Variants in CSNK1G2 observed in about 807,000 individuals in gnomAD.
CSNK1G2 encodes the protein casein kinase I isoform gamma-2.
CSNK1G2 carries 11 observed loss-of-function variants against 48.0 expected under a neutral mutation model. That is an observed-to-expected ratio of 0.23 (90% CI 0.14 to 0.38). The LOEUF (loss-of-function observed/expected upper bound fraction) is 0.38, where lower values mean the gene tolerates loss of function less well. CSNK1G2 is among the 10% of genes least tolerant of loss of function. The pLI is 1.00. For synonymous variants in CSNK1G2, 337 were observed against 254.1 expected (o/e 1.33, Z -3.10); for missense variants, 446 against 595.5 (o/e 0.75, Z 2.61).
At chr19:1,958,098 C>T (rs2015060461) in intron 1 of CSNK1G2, among the ~76,000 whole-genome samples, 1 of 152,110 alleles carries the variant, frequency 6.6e-6, no homozygotes, top group Non-Finnish European at 1.5e-5. Context: ...TAAGGGGCCC[C>T]TCCCGAGCAG....
intron 1 of CSNK1G2, among the ~76,000 whole-genome samples, chr19:1,955,195 G>A (rs1037052447): frequency 2.0e-4 from 31 of 152,136 alleles, no homozygotes; most frequent in Admixed American, 2.0e-3. Context: ...CTGAGTCTTG[G>A]AGTGGCGGCT....
At chr19:1,946,101 T>A (rs2014545672) in intron 1 of CSNK1G2, among the ~76,000 whole-genome samples, 1 of 151,960 alleles carries the variant, frequency 6.6e-6, no homozygotes, top group African/African-American at 2.4e-5. Flanking sequence ...TCCCGTGGCC[T>A]ATCCCGGGGA....
intron 1 of CSNK1G2, among the ~76,000 whole-genome samples, chr19:1,949,759 C>T (rs1026347404): frequency 1.3e-5 from 2 of 152,202 alleles, no homozygotes; most frequent in Admixed American, 6.5e-5. Context: ...TGCACAGCGA[C>T]GACCACTCCC....
At chr19:1,974,904 C>T (rs190140866) in intron 2 of CSNK1G2, among the ~76,000 whole-genome samples, 1 of 152,306 alleles carries the variant, frequency 6.6e-6, no homozygotes, top group Non-Finnish European at 1.5e-5. Flanking sequence ...TGCCAGGCCC[C>T]GTGGGCTCTC....
intron 1 of CSNK1G2, among the ~76,000 whole-genome samples, chr19:1,942,948 C>T (rs1415028158): frequency 2.6e-5 from 4 of 152,174 alleles, no homozygotes; most frequent in Non-Finnish European, 4.4e-5. Context: ...TACGCGCACG[C>T]CTGCCTTGAC....
At chr19:1,963,815 ATTT>A (rs1163885585) in intron 1 of CSNK1G2, among the ~76,000 whole-genome samples, 1 of 127,332 alleles carries the variant, frequency 7.9e-6, no homozygotes, top group Non-Finnish European at 1.6e-5. Flanking sequence ...GCCTCTACAA[ATTT>A]TTTTTTTTTT....
In CSNK1G2 at chr19:1,980,005, C is replaced by T; in HGVS notation, c.1181C>T (p.Ala394Val). Residue 394 changes from alanine to valine, a missense_variant, in exon 11 of 12, where the codon GCC (alanine) becomes GTC (valine). Physicochemically the swap from Ala to Val is moderately conservative, Grantham distance 64. Around this residue, in one of 2 missense-constraint regions of CSNK1G2, gnomAD observed 188 missense variants for 179.6 expected, o/e 1.05. Coordinates refer to ENST00000255641, the MANE Select transcript of CSNK1G2 (RefSeq NM_001319.7). ...PITAPAEVEV[A>V]DETKCCCFFK... is the part of the protein sequence containing the mutation. ...ACAGCGCCTGCAGAGGTGGAGGTGG[C>T]CGATGAAACCAAGTAAGGCTCTGGG... 6.3e-7 allele frequency: 1 copy of T among 1,577,064 alleles called. No individual in the cohort carries two copies. Among genetic ancestry groups the T allele is most frequent in the South Asian group, 1.2e-5 (1 of 86,050 alleles).
At chr19:1,946,104 C>G (rs1434055222) in intron 1 of CSNK1G2, among the ~76,000 whole-genome samples, 3 of 152,036 alleles carry the variant, frequency 2.0e-5, no homozygotes, top group African/African-American at 4.8e-5. Context: ...CGTGGCCTAT[C>G]CCGGGGAGGT....
At chr19:1,976,020 A>G (rs1489250237) in intron 2 of CSNK1G2, 2 of 1,261,468 alleles carry the variant, frequency 1.6e-6, no homozygotes, top group East Asian at 5.6e-5. Flanking sequence ...GGGCAACAGA[A>G]CGAGACTCTG....
chr19:1,979,983 G>C lies in CSNK1G2; in HGVS notation c.1159G>C (p.Ala387Pro), dbSNP rs1158913812. 6.3e-7 allele frequency: 1 copy of C among 1,588,350 alleles called. No homozygotes were observed. Among genetic ancestry groups the C allele is most frequent in the Non-Finnish European group, 8.6e-7 (1 of 1,166,268 alleles). The change falls in exon 11 of 12, where the codon GCG becomes CCG. Residue 387 changes from alanine to proline, a missense_variant. This residue lies in a region of CSNK1G2 where 188 missense variants were observed against 179.6 expected (regional missense o/e 1.05). Coordinates refer to ENST00000255641, the MANE Select transcript of CSNK1G2 (RefSeq NM_001319.7). ...CGGCCACTCCAACGCCCCGATCACA[G>C]CGCCTGCAGAGGTGGAGGTGGCCGA... ...TAGHSNAPIT[A>P]PAEVEVADET...
chr19:1,978,235 G>C lies in CSNK1G2; in HGVS notation c.188-70G>C. ...GGACCCCCTCCTGCCTCCTGCCTCG[G>C]GGGTGGGCTGGGGAGGTCGGGGCTA... On this transcript the variant is annotated intron_variant, in intron 2 of 11. Coordinates refer to ENST00000255641, the MANE Select transcript of CSNK1G2 (RefSeq NM_001319.7). The surrounding 1 kb of genome is among the most constrained non-coding windows in gnomAD (Gnocchi z 7.3). The C allele has an allele frequency of 1.3e-6, 2 of 1,546,576 alleles. No homozygotes were observed. The highest frequency in any genetic ancestry group is 1.8e-6 in the Non-Finnish European group (2 of 1,121,954).
At chr19:1,976,219 A>G in intron 2 of CSNK1G2, 1 of 740,042 alleles carries the variant, frequency 1.4e-6, no homozygotes, top group Non-Finnish European at 2.0e-6. Flanking sequence ...GGGAGAACGT[A>G]GGAGGGGAGC....
intron 1 of CSNK1G2, among the ~76,000 whole-genome samples, chr19:1,968,367 T>C (rs926148994): frequency 1.4e-5 from 2 of 146,554 alleles, no homozygotes; most frequent in Non-Finnish European, 3.0e-5. Flanking sequence ...TCCTCCCTCC[T>C]CCCTCCTCCC....
At chr19:1,942,091 A>G (rs898000786) in intron 1 of CSNK1G2, among the ~76,000 whole-genome samples, 1 of 152,122 alleles carries the variant, frequency 6.6e-6, no homozygotes, top group Non-Finnish European at 1.5e-5. Context: ...TCTGATCCGC[A>G]GGGACCTGTT....
intron 1 of CSNK1G2, among the ~76,000 whole-genome samples, chr19:1,956,964 A>C (rs1008708016): frequency 6.6e-6 from 1 of 152,204 alleles, no homozygotes; most frequent in African/African-American, 2.4e-5. Flanking sequence ...TGACCAAGCC[A>C]ATGGCTCACC....
At chr19:1,949,727 C>T (rs757014569) in intron 1 of CSNK1G2, among the ~76,000 whole-genome samples, 12 of 152,222 alleles carry the variant, frequency 7.9e-5, no homozygotes, top group Non-Finnish European at 1.6e-4. Context: ...GGTCCCCTGC[C>T]GGGTTTTGGG....
intron 1 of CSNK1G2, among the ~76,000 whole-genome samples, chr19:1,945,444 CA>C (rs1408801502): frequency 6.6e-6 from 1 of 152,240 alleles, no homozygotes; most frequent in African/African-American, 2.4e-5. Flanking sequence ...TCCCTCCTGT[CA>C]CCCTCAGGCG....
intron 1 of CSNK1G2, among the ~76,000 whole-genome samples, chr19:1,946,301 A>ATTTATTTAT (rs1414304945): frequency 5.5e-5 from 4 of 72,834 alleles, no homozygotes; most frequent in Non-Finnish European, 1.9e-4. Flanking sequence ...TTATTTATTT[A>ATTTATTTAT]TTTTTTTTAA....
In CSNK1G2 at chr19:1,978,501, C is replaced by G. The variant is rs1296879868; in HGVS notation, c.288C>G (p.Leu96=). 6.3e-7 allele frequency: 1 copy of G among 1,592,658 alleles called. No individual in the cohort carries two copies. The highest frequency in any genetic ancestry group is 8.5e-7 in the Non-Finnish European group (1 of 1,170,580). Residue 96 remains leucine (L), a synonymous_variant, in exon 4 of 12, where the codon CTC becomes CTG. Transcript: ENST00000255641. The surrounding 1 kb of genome is among the most constrained non-coding windows in gnomAD (Gnocchi z 7.3). ...LHLEYRFYKQ[L]SATEGVPQVY... is the part of the protein sequence containing the mutation. ...TGGAGTACCGGTTCTACAAGCAGCT[C>G]AGCGCCACAGGTACCGGGCGGCCCG...
Sources: allele counts gnomAD v4.1 joint callset (sites outside exome capture counted in the v4.1 genomes callset), GRCh38; gene constraint gnomAD v4.1.1; regional missense constraint gnomAD v4.1.1; non-coding constraint Gnocchi (gnomAD v3.1); transcripts MANE v1.5; gene names NCBI Gene and HGNC (gene_info 2026-07-23, HGNC 2026-07-21).